PIP5K1B: variants seen among roughly 807,000 people sequenced by gnomAD.
PIP5K1B encodes the protein phosphatidylinositol-4-phosphate 5-kinase type 1 beta.
PIP5K1B carries 42 observed loss-of-function variants against 67.0 expected under a neutral mutation model. The observed-to-expected ratio is 0.63, with a 90% CI of 0.49 to 0.81. PIP5K1B has a LOEUF of 0.81. PIP5K1B is among the 30% of genes least tolerant of loss of function. The pLI is 0.00. For missense variants in PIP5K1B, 459 were observed against 646.3 expected, an observed-to-expected ratio of 0.71 and a Z score of 3.14; for synonymous variants, 214 against 231.4, an observed-to-expected ratio of 0.92 and a Z score of 0.68.
At chr9:68,960,759 A>T (rs7038312) in intron 14 of PIP5K1B, among the ~76,000 whole-genome samples, 145,308 of 152,280 alleles carry the variant, frequency 0.95, 69,711 homozygotes, top group East Asian at 1. Context: ...TATCTGAGGA[A>T]GTAAATAATA....
At chr9:68,935,273 C>G (rs548195921) in intron 13 of PIP5K1B, among the ~76,000 whole-genome samples, 207 of 152,230 alleles carry the variant, frequency 1.4e-3, no homozygotes, top group Non-Finnish European at 2.4e-3. Context: ...TCGAAACCAG[C>G]CTGGCCAACA....
chr9:68,988,720 G>A (rs992485555), intron 14 of PIP5K1B, among the ~76,000 whole-genome samples: 2 of 151,646 alleles, frequency 1.3e-5, no homozygotes, highest in East Asian at 3.9e-4. Flanking sequence ...CAAAGTGCTG[G>A]GATTATAGGC....
intron 1 of PIP5K1B, among the ~76,000 whole-genome samples, chr9:68,731,171 C>T (rs751548565): frequency 5.3e-5 from 8 of 152,302 alleles, no homozygotes; most frequent in African/African-American, 1.4e-4. Context: ...TGTTCTAGAA[C>T]GCTTGATGTC....
At chr9:68,893,495 G>A (rs1219399284) in intron 7 of PIP5K1B, among the ~76,000 whole-genome samples, 1 of 151,854 alleles carries the variant, frequency 6.6e-6, no homozygotes, top group Admixed American at 6.6e-5. Context: ...CACCAGGCCA[G>A]GCTAATTTTT....
chr9:68,904,002 A>G (rs924818546), intron 8 of PIP5K1B, among the ~76,000 whole-genome samples: 4 of 152,238 alleles, frequency 2.6e-5, no homozygotes, highest in African/African-American at 9.6e-5. Context: ...GAGCCAGACA[A>G]TCTATTACAT....
intron 8 of PIP5K1B, among the ~76,000 whole-genome samples, chr9:68,902,441 G>A (rs1319660842): frequency 6.6e-6 from 1 of 152,120 alleles, no homozygotes; most frequent in African/African-American, 2.4e-5. Flanking sequence ...GCCTGTATCA[G>A]TAATGTGCTC....
intron 12 of PIP5K1B, among the ~76,000 whole-genome samples, chr9:68,926,152 G>C (rs1269809968): frequency 6.6e-6 from 1 of 151,950 alleles, no homozygotes; most frequent in African/African-American, 2.4e-5. Context: ...TGCCAAGGTT[G>C]GAAAAACATG....
At chr9:68,947,702 C>G (rs1467989670) in intron 14 of PIP5K1B, among the ~76,000 whole-genome samples, 1 of 152,094 alleles carries the variant, frequency 6.6e-6, no homozygotes, top group African/African-American at 2.4e-5. Context: ...ATTCTCATGC[C>G]ATTGTAATAG....
intron 4 of PIP5K1B, among the ~76,000 whole-genome samples, chr9:68,835,964 C>A (rs1482792510): frequency 2.0e-5 from 3 of 151,600 alleles, no homozygotes; most frequent in Non-Finnish European, 4.4e-5. Context: ...ACCCTTTTTC[C>A]TCATCTGTCT....
At chr9:68,867,496 G>C (rs959361952) in intron 5 of PIP5K1B, among the ~76,000 whole-genome samples, 4 of 152,214 alleles carry the variant, frequency 2.6e-5, no homozygotes, top group African/African-American at 9.6e-5. Flanking sequence ...GGCTTTGTTG[G>C]ATAAGACAAC....
chr9:68,820,830 A>T (rs994450333), intron 3 of PIP5K1B, among the ~76,000 whole-genome samples: 1 of 152,240 alleles, frequency 6.6e-6, no homozygotes, highest in Non-Finnish European at 1.5e-5. Context: ...TGAAAATCTT[A>T]TCATTAGGAA....
Position 68,876,729 on chromosome 9 carries a change from A to T in PIP5K1B, c.253A>T (p.Thr85Ser), listed in dbSNP as rs1823917681. ...TCACTACCCAGACTTTAGATTTAAG[A>T]CATACGCTCCATTAGCATTCCGATA... The part of the protein sequence containing the change: ...AHHYPDFRFK[T>S]YAPLAFRYFR... Residue 85 changes from threonine (T) to serine (S), a missense_variant, in exon 6 of 16, where the codon ACA becomes TCA. Physicochemically the swap from Thr to Ser is moderately conservative, Grantham distance 58. This residue lies in a region of PIP5K1B where 290 missense variants were observed against 474.4 expected (regional missense o/e 0.61). Transcript: ENST00000265382. 1 of 1,611,776 alleles carries T rather than the reference A, an allele frequency of 6.2e-7. No individual in the cohort carries two copies. Among genetic ancestry groups the T allele is most frequent in the Non-Finnish European group, 8.5e-7 (1 of 1,177,840 alleles).
At chr9:68,708,133 A>G (rs1587319571) in intron 1 of PIP5K1B, 1 of 152,008 alleles carries the variant, frequency 6.6e-6, no homozygotes, top group East Asian at 1.9e-4. Context: ...CTTAACATCT[A>G]CAGTATATTG....
chr9:68,814,961 A>G (rs149902374), intron 2 of PIP5K1B, among the ~76,000 whole-genome samples: 1 of 152,220 alleles, frequency 6.6e-6, no homozygotes, highest in African/African-American at 2.4e-5. Flanking sequence ...GTTTACAAAA[A>G]TCTATTTCTA....
intron 14 of PIP5K1B, among the ~76,000 whole-genome samples, chr9:68,959,012 TAAGA>T (rs1188615067): frequency 2.6e-5 from 4 of 152,158 alleles, no homozygotes; most frequent in Non-Finnish European, 5.9e-5. Flanking sequence ...AAAGAAAGAA[TAAGA>T]AAGAAAGAAA....
intron 14 of PIP5K1B, among the ~76,000 whole-genome samples, chr9:68,948,425 G>A (rs1405216980): frequency 6.6e-6 from 1 of 152,156 alleles, no homozygotes; most frequent in Non-Finnish European, 1.5e-5. Context: ...GAGCCCAGGA[G>A]TTCGAGACCA....
At chr9:68,748,855 GC>G (rs1829470907) in intron 2 of PIP5K1B, among the ~76,000 whole-genome samples, 1 of 151,980 alleles carries the variant, frequency 6.6e-6, no homozygotes, top group South Asian at 2.1e-4. Flanking sequence ...CAGGTGATCC[GC>G]CCACCTCTGC....
At chr9:68,851,149 C>A (rs1470599886) in intron 4 of PIP5K1B, among the ~76,000 whole-genome samples, 1 of 152,184 alleles carries the variant, frequency 6.6e-6, no homozygotes, top group African/African-American at 2.4e-5. Flanking sequence ...TGCTGCCAAT[C>A]AAATTAAGGT....
At chr9:68,953,210 C>T (rs1051584196) in intron 14 of PIP5K1B, among the ~76,000 whole-genome samples, 4 of 152,108 alleles carry the variant, frequency 2.6e-5, no homozygotes, top group African/African-American at 9.7e-5. Flanking sequence ...TCAACTTCAT[C>T]TCCTAATCCT....
Sources: gnomAD v4.1 joint callset for allele counts (sites outside exome capture counted in the v4.1 genomes callset) on GRCh38, gnomAD v4.1.1 for gene constraint, gnomAD v4.1.1 regional missense constraint, MANE v1.5 for transcripts, NCBI Gene and HGNC (gene_info 2026-07-23, HGNC 2026-07-21) for gene names.